CHST10: variants seen among roughly 807,000 people sequenced by gnomAD.
CHST10 encodes the protein carbohydrate sulfotransferase 10.
CHST10 carries 24 observed loss-of-function variants against 34.7 expected under a neutral mutation model. The ratio of observed to expected loss-of-function variants is 0.69; its 90% CI spans 0.50 to 0.97. The LOEUF (loss-of-function observed/expected upper bound fraction) is 0.97, where lower values mean the gene tolerates loss of function less well. CHST10 is among the 50% of genes least tolerant of loss of function. The probability of loss-of-function intolerance (pLI) is 0.00; values close to 1 mark genes in which losing one functional copy is unlikely to be tolerated. For synonymous variants in CHST10, 161 were observed against 169.3 expected, an observed-to-expected ratio of 0.95 and a Z score of 0.38; for missense variants, 402 against 452.1, an observed-to-expected ratio of 0.89 and a Z score of 1.00.
At chr2:100,399,850 G>A (rs1278859144) in intron 4 of CHST10, among the ~76,000 whole-genome samples, 1 of 152,182 alleles carries the variant, frequency 6.6e-6, no homozygotes, top group Non-Finnish European at 1.5e-5. Flanking sequence ...AAGACACTGG[G>A]GAAGCGAGAG....
chr2:100,399,138 C>T (rs1675216773), intron 4 of CHST10, among the ~76,000 whole-genome samples: 1 of 149,682 alleles, frequency 6.7e-6, no homozygotes, highest in Non-Finnish European at 1.5e-5. Context: ...GAGTCTCGTT[C>T]TGTGGCCCAG....
At position 100,393,755 on chromosome 2, in the gene CHST10, A is replaced by G; in HGVS notation, c.561T>C (p.Ile187=). The part of the protein sequence containing the change: ...KRLKTYFKFF[I]VRDPFERLIS... ...TAAGTCTTTCGAAGGGATCTCTTACAATAAAAAACTTGAAGTATGTTTTCA... is the reference window on the plus strand; with the variant it reads ...TAAGTCTTTCGAAGGGATCTCTTACGATAAAAAACTTGAAGTATGTTTTCA... Residue 187 remains isoleucine (I), a synonymous_variant, in exon 7 of 7, where the codon ATT becomes ATC. Transcript: ENST00000264249. The G allele has an allele frequency of 6.2e-7, 1 of 1,610,324 alleles. No homozygotes were observed. Among genetic ancestry groups the G allele is most frequent in the Non-Finnish European group, 8.5e-7 (1 of 1,179,192 alleles).
At chr2:100,408,774 C>G (rs1208480797) in intron 2 of CHST10, 2 of 152,088 alleles carry the variant, frequency 1.3e-5, no homozygotes, top group Non-Finnish European at 2.9e-5. Flanking sequence ...CCCAGCAGTA[C>G]CAAGTCCACT....
chr2:100,412,043 C>T (rs943918354), intron 2 of CHST10, among the ~76,000 whole-genome samples: 1 of 152,130 alleles, frequency 6.6e-6, no homozygotes, highest in African/African-American at 2.4e-5. Context: ...GCAATGGGAG[C>T]CCCTGAAGAG....
chr2:100,400,725 C>T (rs184742116), intron 4 of CHST10, among the ~76,000 whole-genome samples: 1 of 152,224 alleles, frequency 6.6e-6, no homozygotes, highest in Admixed American at 6.5e-5. Context: ...GTTGCCCAAG[C>T]TGGAGTGCAA....
chr2:100,416,243 T>C (rs993237860), intron 1 of CHST10: 3 of 152,236 alleles, frequency 2.0e-5, no homozygotes, highest in African/African-American at 4.8e-5. Flanking sequence ...TATGAACTCC[T>C]CAAACACTGA....
chr2:100,407,710 G>A (rs982887960), intron 2 of CHST10: 2 of 152,178 alleles, frequency 1.3e-5, no homozygotes, highest in African/African-American at 4.8e-5. Flanking sequence ...CAGGCATCTG[G>A]AATGCAAATA....
chr2:100,398,713 G>A (rs1170298429), intron 4 of CHST10, among the ~76,000 whole-genome samples: 1 of 152,018 alleles, frequency 6.6e-6, no homozygotes, highest in Non-Finnish European at 1.5e-5. Context: ...CGTCTTGGGG[G>A]AAAAAAGAAA....
At chr2:100,404,448 C>G (rs1407039039) in intron 3 of CHST10, among the ~76,000 whole-genome samples, 2 of 152,202 alleles carry the variant, frequency 1.3e-5, no homozygotes, top group East Asian at 3.9e-4. Context: ...TGCTCCTCTC[C>G]AGGTGTAAAA....
intron 1 of CHST10, chr2:100,416,387 T>C (rs1242157522): frequency 6.6e-6 from 1 of 152,288 alleles, no homozygotes; most frequent in Non-Finnish European, 1.5e-5. Flanking sequence ...TTCTTTGAGA[T>C]TCTATTCTTC....
At chr2:100,398,819 G>A (rs1675198171) in intron 4 of CHST10, among the ~76,000 whole-genome samples, 1 of 152,212 alleles carries the variant, frequency 6.6e-6, no homozygotes, top group Admixed American at 6.5e-5. Context: ...TTTCAGGGCT[G>A]TTTTAGAACC....
At position 100,393,304 on chromosome 2, in the gene CHST10, G is replaced by T. The variant is rs759718164; in HGVS notation, c.1012C>A (p.Arg338Ser). The T allele has an allele frequency of 6.8e-6, 11 of 1,614,172 alleles. No individual in the cohort carries two copies. The South Asian group carries it at 1.1e-4, about 16-fold the overall frequency. Residue 338 changes from arginine (R) to serine (S), a missense_variant, in exon 7 of 7, where the codon CGT (arginine) becomes AGT (serine). By Grantham distance (110) the Arg-to-Ser change is moderately radical. Transcript: ENST00000264249. ...SKRDIRRLYA[R>S]FEGDFKLFGY... Reference sequence around the variant, plus strand: ...AAGAGCTTAAAGTCCCCTTCGAAACGGGCATACAGGCGTCGGATGTCTCGT... The same window carrying T: ...AAGAGCTTAAAGTCCCCTTCGAAACTGGCATACAGGCGTCGGATGTCTCGT...
chr2:100,406,460 G>C, intron 3 of CHST10, 116 bp downstream of exon 3: 2 of 1,356,570 alleles, frequency 1.5e-6, no homozygotes, highest in Non-Finnish European at 2.0e-6. Context: ...CAAGGTCCCT[G>C]CTGGCATGAA....
Position 100,404,342 on chromosome 2 carries a change from C to T in CHST10, c.101-1687G>A, listed in dbSNP as rs577120333. Among the ~76,000 whole-genome samples, 236 of 152,326 alleles carry T rather than the reference C, an allele frequency of 1.5e-3. 2 individuals carry two copies. The highest frequency in any genetic ancestry group is 5.4e-3 in the African/African-American group (226 of 41,566). ...TCAGTGACCCAGCACCCACACACCA[C>T]ACCAGATCTCACAGGGCAGGGAAAG... On this transcript the variant is annotated intron_variant, in intron 3 of 6. Transcript: ENST00000264249.
Position 100,401,677 on chromosome 2 carries a change from A to C in CHST10, c.192+887T>G, listed in dbSNP as rs575058511. On this transcript the variant is annotated intron_variant, in intron 4 of 6. Transcript: ENST00000264249. ...TGGGATGCCTCAACCTAAAAGCAAC[A>C]TTTAGGCTGTCTCAGAGTTCTGTAA... is the stretch of plus-strand genomic sequence containing the variant. Among the ~76,000 whole-genome samples the C allele has an allele frequency of 1.5e-3, 225 of 152,306 alleles. 2 individuals carry two copies. The highest frequency in any genetic ancestry group is 5.2e-3 in the African/African-American group (217 of 41,570).
At position 100,397,935 on chromosome 2, in the gene CHST10, ACTG is replaced by A; in HGVS notation, c.397_399del (p.Gln133del). On this transcript the variant is annotated inframe_deletion, in exon 5 of 7. Transcript: ENST00000264249. Reference sequence around the variant, plus strand: ...TTTAGAACAATCAGCACTTTCTTCCACTGGGTGTTGCCCACTTTGGGAGTCTGG... The same window carrying A: ...TTTAGAACAATCAGCACTTTCTTCCAGGTGTTGCCCACTTTGGGAGTCTGG... The A allele has an allele frequency of 6.2e-7, 1 of 1,613,792 alleles. No homozygotes were observed. The highest frequency in any genetic ancestry group is 8.5e-7 in the Non-Finnish European group (1 of 1,179,840).
rs552152871 is a variant in CHST10 at position 100,409,417 on chromosome 2, CA to C, written c.-32-2711del. The stretch of plus-strand genomic sequence containing the variant: ...TACATGAGTTGAAAACTGAGAGGTG[CA>C]CTCTCCTGAAGCCATATGTGCCTTC... On this transcript the variant is annotated intron_variant, in intron 2 of 6. Coordinates refer to ENST00000264249, the MANE Select transcript of CHST10 (RefSeq NM_004854.5). Among the ~76,000 whole-genome samples the C allele has an allele frequency of 7.9e-5, 12 of 152,300 alleles. No individual in the cohort carries two copies. The East Asian group carries it at 2.3e-3, about 29-fold the overall frequency.
In CHST10 at chr2:100,416,996, G is replaced by A. The variant is rs762662052; in HGVS notation, c.-104+378C>T. 6.1e-6 allele frequency: 8 copies of A among 1,304,136 alleles called. No individual in the cohort carries two copies. The East Asian group carries it at 2.8e-4, about 45-fold the overall frequency. The allele number at this position is 1,304,136 out of a possible 1,614,324, so 80.8% of individuals were successfully genotyped here. ...CCCTGACTCCCCTCGCACCGAAGCT[G>A]CACATGCTCCTTCTTCCCTGCCTTC... On this transcript the variant is annotated intron_variant, in intron 1 of 6. Transcript: ENST00000264249.
In CHST10 at chr2:100,393,488, C is replaced by T. The variant is rs200734208; in HGVS notation, c.828G>A (p.Met276Ile). The T allele has an allele frequency of 5.7e-4, 918 of 1,614,108 alleles. 1 individual carries two copies. The highest frequency in any genetic ancestry group is 7.5e-4 in the Non-Finnish European group (889 of 1,180,010). The change falls in exon 7 of 7, where the codon ATG becomes ATA. Residue 276 changes from methionine (M) to isoleucine (I), a missense_variant. Coordinates refer to ENST00000264249, the MANE Select transcript of CHST10 (RefSeq NM_004854.5). ...TCTCGTGGTGTCCAATCACACTGTA[C>T]ATTATCTCACAGGGAGCACAGAGCT... ...YVELCAPCEI[M>I]YSVIGHHETL...
Sources: gnomAD v4.1 joint callset for allele counts (sites outside exome capture counted in the v4.1 genomes callset) on GRCh38, gnomAD v4.1.1 for gene constraint, MANE v1.5 for transcripts, NCBI Gene and HGNC (gene_info 2026-07-23, HGNC 2026-07-21) for gene names.